The following KREMEN1 variants were observed in gnomAD, a reference collection of about 807,000 sequenced individuals.
KREMEN1 encodes the protein kremen protein 1.
KREMEN1 carries 30 observed loss-of-function variants against 46.5 expected under a neutral mutation model. The observed-to-expected ratio is 0.65, with a 90% CI of 0.48 to 0.88. The LOEUF is 0.88. KREMEN1 is among the 40% of genes least tolerant of loss of function. The pLI, the probability that KREMEN1 is intolerant of heterozygous loss-of-function variation, is 0.00. For synonymous variants in KREMEN1, 214 were observed against 230.6 expected (o/e 0.93, Z 0.65); for missense variants, 533 against 596.9 (o/e 0.89, Z 1.11).
In KREMEN1 at chr22:29,145,374, C is replaced by T; in HGVS notation, c.*3262C>T. On this transcript the variant is annotated 3_prime_UTR_variant, in exon 9 of 9. Transcript: ENST00000400335. Reference sequence around the variant, plus strand: ...ACCACTGTGGACAGAGCTCTGAAAGCACCCTGGCCAAAGCCCCTCCTGAGG... The same window carrying T: ...ACCACTGTGGACAGAGCTCTGAAAGTACCCTGGCCAAAGCCCCTCCTGAGG... 9.1e-6 allele frequency: 9 copies of T among 985,542 alleles called. No individual in the cohort carries two copies. The highest frequency in any genetic ancestry group is 1.1e-5 in the Non-Finnish European group (9 of 830,038). The allele number at this position is 985,542 out of a possible 1,614,324, so 61.0% of individuals were successfully genotyped here. A position where few individuals can be genotyped will look rare whatever the true frequency, so the allele number is the denominator to read the frequency against.
chr22:29,084,761 T>A (rs79499962), intron 1 of KREMEN1, among the ~76,000 whole-genome samples: 8,353 of 152,316 alleles, frequency 0.055, 280 homozygotes, highest in East Asian at 0.12. Context: ...CTTATAATGG[T>A]CTTTTAAGTA....
At position 29,080,941 on chromosome 22, in the gene KREMEN1, C is replaced by CTTCTTTT. The variant is rs134612; in HGVS notation, c.97+7716_97+7717insCTTTTTT. 7.0e-4 allele frequency among the ~76,000 whole-genome samples: 79 copies of CTTCTTTT among 112,238 alleles called. 7 individuals are homozygous for CTTCTTTT. The highest frequency in any genetic ancestry group is 1.6e-3 in the African/African-American group (46 of 28,460). The allele number at this position is 112,238 out of a possible 152,430, so 73.6% of individuals were successfully genotyped here. ...GTCCTGATTGTATTATTTTTTTGTC[C>CTTCTTTT]TTTTTTTTTTTTTTTTTTTTTAGCG... is the stretch of plus-strand genomic sequence containing the variant. On this transcript the variant is annotated intron_variant, in intron 1 of 8. Coordinates refer to ENST00000400335, the MANE Select transcript of KREMEN1 (RefSeq NM_001039570.3).
At chr22:29,104,238 G>A (rs575267899) in intron 3 of KREMEN1, among the ~76,000 whole-genome samples, 9 of 150,328 alleles carry the variant, frequency 6.0e-5, no homozygotes, top group Admixed American at 6.0e-4. Flanking sequence ...GCTCATTGCA[G>A]CCTCTACCTC....
intron 2 of KREMEN1, among the ~76,000 whole-genome samples, chr22:29,097,263 C>A (rs913228947): frequency 2.0e-5 from 3 of 152,332 alleles, no homozygotes; most frequent in African/African-American, 7.2e-5. Flanking sequence ...AGAGGCGAGC[C>A]TTTTCTGTGT....
At chr22:29,080,541 G>A (rs2037637538) in intron 1 of KREMEN1, among the ~76,000 whole-genome samples, 1 of 152,234 alleles carries the variant, frequency 6.6e-6, no homozygotes, top group African/African-American at 2.4e-5. Flanking sequence ...CAGATGAAGG[G>A]TTTTTGGTTG....
Position 29,143,419 on chromosome 22 carries a change from C to T in KREMEN1, c.*1307C>T. 1.0e-6 allele frequency: 1 copy of T among 985,386 alleles called. No individual in the cohort carries two copies. The highest frequency in any genetic ancestry group is 4.7e-5 in the South Asian group (1 of 21,284). 61.0% of individuals were successfully genotyped at this position (985,386 alleles called of 1,614,324 possible). On this transcript the variant is annotated 3_prime_UTR_variant, in exon 9 of 9. Coordinates refer to ENST00000400335, the MANE Select transcript of KREMEN1 (RefSeq NM_001039570.3). ...TGAGACATGGGGCCTGTGGTCCTTCCTTCTGGTGTCCCCCGTGTTAAAAGA... is the reference window on the plus strand; with the variant it reads ...TGAGACATGGGGCCTGTGGTCCTTCTTTCTGGTGTCCCCCGTGTTAAAAGA...
chr22:29,132,335 A>AAGT (rs565717509), intron 5 of KREMEN1, among the ~76,000 whole-genome samples: 36 of 152,324 alleles, frequency 2.4e-4, no homozygotes, highest in African/African-American at 8.4e-4. Flanking sequence ...GTAAACATCC[A>AAGT]AGTACAGGTG....
At chr22:29,122,421 A>T (rs1353483442) in intron 4 of KREMEN1, among the ~76,000 whole-genome samples, 1 of 152,218 alleles carries the variant, frequency 6.6e-6, no homozygotes, top group Non-Finnish European at 1.5e-5. Flanking sequence ...AAAGTTAAAT[A>T]TGCACATACC....
At chr22:29,087,338 A>G (rs1015548996) in intron 1 of KREMEN1, among the ~76,000 whole-genome samples, 3 of 152,182 alleles carry the variant, frequency 2.0e-5, no homozygotes, top group Non-Finnish European at 2.9e-5. Flanking sequence ...AAAAAAAACA[A>G]TGACTCTCAT....
intron 1 of KREMEN1, among the ~76,000 whole-genome samples, chr22:29,074,482 A>G (rs1002956184): frequency 1.4e-4 from 21 of 152,270 alleles, no homozygotes; most frequent in African/African-American, 4.8e-4. Flanking sequence ...GCTTTTGCTT[A>G]ACTTCCACAC....
In KREMEN1 at chr22:29,073,261, A is replaced by G; in HGVS notation, c.97+34A>G. The stretch of plus-strand genomic sequence containing the variant: ...GAGCGACCCCCCGCCGCCCGCCCTG[A>G]GCGGAGCCCACTCGAGGGGCGACAA... On this transcript the variant is annotated intron_variant, in intron 1 of 8. Transcript: ENST00000400335. This position sits in a 1 kb window ranked among gnomAD's most constrained non-coding sequence, Gnocchi z 4.4. The G allele has an allele frequency of 1.0e-6, 1 of 998,886 alleles. No individual in the cohort carries two copies. The highest frequency in any genetic ancestry group is 1.3e-6 in the Non-Finnish European group (1 of 794,828). The allele number at this position is 998,886 out of a possible 1,614,324, so 61.9% of individuals were successfully genotyped here. A position where few individuals can be genotyped will look rare whatever the true frequency, so the allele number is the denominator to read the frequency against.
chr22:29,076,608 T>A (rs2123918987), intron 1 of KREMEN1, among the ~76,000 whole-genome samples: 1 of 152,308 alleles, frequency 6.6e-6, no homozygotes, highest in African/African-American at 2.4e-5. Context: ...CCCAGCATTT[T>A]GGGAGGTCAA....
rs761455044 is a variant in KREMEN1 at position 29,098,886 on chromosome 22, C to T, written c.285C>T (p.Pro95=). 1.2e-6 allele frequency: 2 copies of T among 1,614,120 alleles called. No individual in the cohort carries two copies. Among genetic ancestry groups the T allele is most frequent in the Non-Finnish European group, 1.7e-6 (2 of 1,179,982 alleles). Residue 95 remains proline, a synonymous_variant, in exon 3 of 9, where the codon CCC becomes CCT. Coordinates refer to ENST00000400335, the MANE Select transcript of KREMEN1 (RefSeq NM_001039570.3). ...GAAATCCAGATGGAGACGTGAGCCC[C>T]TGGTGCTATGTGGCAGAGCACGAGG... The part of the protein sequence containing the change: ...YCRNPDGDVS[P]WCYVAEHEDG...
At chr22:29,094,890 CT>C (rs946970660) in intron 2 of KREMEN1, among the ~76,000 whole-genome samples, 42 of 152,326 alleles carry the variant, frequency 2.8e-4, no homozygotes, top group African/African-American at 1.0e-3. Context: ...TCCCAAAGTG[CT>C]GGGGTTACAG....
downstream of KREMEN1, among the ~76,000 whole-genome samples, chr22:29,151,595 G>C (rs1010734125): frequency 2.0e-5 from 3 of 152,114 alleles, no homozygotes; most frequent in Admixed American, 2.0e-4. Flanking sequence ...GTAAACAAAT[G>C]GTCACGCTTG....
Position 29,143,139 on chromosome 22 carries a change from A to G in KREMEN1, c.*1027A>G. The G allele has an allele frequency of 1.1e-6, 1 of 945,966 alleles. No homozygotes were observed. Among genetic ancestry groups the G allele is most frequent in the Non-Finnish European group, 1.3e-6 (1 of 794,256 alleles). 58.6% of individuals were successfully genotyped at this position (945,966 alleles called of 1,614,324 possible). ...CACTCCAGCCTGGGTGACAAGAGTG[A>G]GACTCTGTCTCAAAAAAACAAAACA... is the stretch of plus-strand genomic sequence containing the variant. On this transcript the variant is annotated 3_prime_UTR_variant, in exon 9 of 9. Transcript: ENST00000400335.
chr22:29,126,719 A>G (rs2038450496), intron 5 of KREMEN1, among the ~76,000 whole-genome samples: 1 of 152,202 alleles, frequency 6.6e-6, no homozygotes, highest in Admixed American at 6.5e-5. Flanking sequence ...TGAGCCTTTT[A>G]CATGTTATAG....
chr22:29,084,897 G>C (rs138187109), intron 1 of KREMEN1, among the ~76,000 whole-genome samples: 5 of 151,952 alleles, frequency 3.3e-5, no homozygotes, highest in African/African-American at 1.2e-4. Context: ...CTTTCCTTCC[G>C]TACTGTTTTT....
chr22:29,122,561 A>G (rs1157359440), intron 4 of KREMEN1, among the ~76,000 whole-genome samples: 1 of 152,214 alleles, frequency 6.6e-6, no homozygotes, highest in East Asian at 1.9e-4. Flanking sequence ...AATAATCTAA[A>G]CGTCCATTAA....
Sources: allele counts gnomAD v4.1 joint callset (sites outside exome capture counted in the v4.1 genomes callset), GRCh38; gene constraint gnomAD v4.1.1; non-coding constraint Gnocchi (gnomAD v3.1); transcripts MANE v1.5; gene names NCBI Gene and HGNC (gene_info 2026-07-23, HGNC 2026-07-21).